Variants in SNTB1 observed in about 807,000 individuals in gnomAD.
SNTB1 encodes beta-1-syntrophin.
In SNTB1, 36 loss-of-function variants were observed where a neutral mutation model predicts 48.9. The observed-to-expected ratio is 0.74, with a 90% CI of 0.56 to 0.97. SNTB1 has a LOEUF of 0.97. Among genes scored for constraint, SNTB1 ranks in the 50% least tolerant of loss-of-function variants. SNTB1 has a pLI of 0.00. For synonymous variants in SNTB1, 299 were observed against 294.6 expected (o/e 1.01, Z -0.15); for missense variants, 786 against 703.4 (o/e 1.12, Z -1.33).
chr8:120,542,603 G>A (rs1468896125), intron 5 of SNTB1, among the ~76,000 whole-genome samples: 3 of 151,984 alleles, frequency 2.0e-5, no homozygotes, highest in African/African-American at 7.3e-5. Context: ...GCAGTGAGTC[G>A]AGATTGCTCC....
At chr8:120,792,921 T>G (rs940048450) in intron 1 of SNTB1, among the ~76,000 whole-genome samples, 6 of 152,036 alleles carry the variant, frequency 3.9e-5, no homozygotes, top group African/African-American at 1.4e-4. Flanking sequence ...ACACTATGGT[T>G]CTCCCTGACT....
intron 4 of SNTB1, among the ~76,000 whole-genome samples, chr8:120,563,439 C>A (rs1815696907): frequency 6.6e-6 from 1 of 152,042 alleles, no homozygotes; most frequent in African/African-American, 2.4e-5. Flanking sequence ...TAAACTGTAC[C>A]ACCAATGGAC....
At chr8:120,806,639 T>C (rs778047020) in intron 1 of SNTB1, among the ~76,000 whole-genome samples, 3 of 152,182 alleles carry the variant, frequency 2.0e-5, no homozygotes, top group Non-Finnish European at 1.5e-5. Flanking sequence ...TCTGAGTTTA[T>C]AGGATTTAAG....
chr8:120,626,753 G>C (rs1816892010), intron 3 of SNTB1, among the ~76,000 whole-genome samples: 1 of 152,094 alleles, frequency 6.6e-6, no homozygotes, highest in African/African-American at 2.4e-5. Flanking sequence ...TTTCACAAGT[G>C]TCACCTCCTC....
At chr8:120,609,371 T>G (rs1816581124) in intron 3 of SNTB1, among the ~76,000 whole-genome samples, 2 of 152,302 alleles carry the variant, frequency 1.3e-5, no homozygotes, top group East Asian at 3.9e-4. Flanking sequence ...TACTAGAGTT[T>G]TTCTTTCATT....
At chr8:120,677,482 C>G (rs1367689583) in intron 2 of SNTB1, among the ~76,000 whole-genome samples, 4 of 152,164 alleles carry the variant, frequency 2.6e-5, no homozygotes, top group Non-Finnish European at 4.4e-5. Context: ...TTTTCGTTTA[C>G]CCAAACGGCT....
chr8:120,550,147 T>C (rs989460988), intron 4 of SNTB1, among the ~76,000 whole-genome samples: 5 of 152,216 alleles, frequency 3.3e-5, no homozygotes, highest in African/African-American at 1.2e-4. Context: ...TGGAGGAGCT[T>C]TCTTTTACTT....
chr8:120,602,902 G>T (rs969191798), intron 3 of SNTB1, among the ~76,000 whole-genome samples: 1 of 151,626 alleles, frequency 6.6e-6, no homozygotes, highest in East Asian at 1.9e-4. Context: ...TTTAAAAAGC[G>T]TTTAAACATT....
intron 1 of SNTB1, among the ~76,000 whole-genome samples, chr8:120,774,810 C>T (rs546256721): frequency 4.6e-5 from 7 of 152,088 alleles, no homozygotes; most frequent in Admixed American, 1.3e-4. Context: ...CCCACCACCA[C>T]GCCCTGCTAA....
chr8:120,784,005 T>C (rs1270048076), intron 1 of SNTB1, among the ~76,000 whole-genome samples: 2 of 152,132 alleles, frequency 1.3e-5, no homozygotes, highest in African/African-American at 2.4e-5. Context: ...TTTGTTTTGT[T>C]TTTTTTGAGA....
intron 3 of SNTB1, among the ~76,000 whole-genome samples, chr8:120,590,788 G>A (rs1164227906): frequency 1.3e-5 from 2 of 150,048 alleles, no homozygotes; most frequent in African/African-American, 4.9e-5. Context: ...CCCGGTTCAA[G>A]CAATTCTCCT....
At chr8:120,610,538 GT>G (rs36067445) in intron 3 of SNTB1, among the ~76,000 whole-genome samples, 71,111 of 152,032 alleles carry the variant, frequency 0.47, 18,755 homozygotes, top group Non-Finnish European at 0.62. Context: ...CAGGACTAAA[GT>G]TTTTTGTTTG....
At chr8:120,809,889 G>C (rs533845767) in intron 1 of SNTB1, among the ~76,000 whole-genome samples, 1 of 152,270 alleles carries the variant, frequency 6.6e-6, no homozygotes, top group African/African-American at 2.4e-5. Context: ...TCTGCATTGT[G>C]GGCCAGGAGG....
intron 2 of SNTB1, chr8:120,636,972 G>A (rs1348824059): frequency 2.2e-5 from 7 of 321,016 alleles, no homozygotes; most frequent in Admixed American, 1.2e-4. Context: ...TACTGTTAAG[G>A]CCTGATAATC....
At chr8:120,638,397 CT>C (rs929155638) in intron 2 of SNTB1, among the ~76,000 whole-genome samples, 13 of 148,894 alleles carry the variant, frequency 8.7e-5, no homozygotes, top group East Asian at 3.9e-4. Flanking sequence ...TGAGTATTTT[CT>C]TTTTTTTTTC....
At chr8:120,628,944 A>G (rs573893184) in intron 3 of SNTB1, among the ~76,000 whole-genome samples, 1 of 152,246 alleles carries the variant, frequency 6.6e-6, no homozygotes, top group Admixed American at 6.5e-5. Context: ...GGATTGCTTG[A>G]GTCCAGGAGT....
chr8:120,674,523 G>T (rs901248309), intron 2 of SNTB1, among the ~76,000 whole-genome samples: 4 of 152,222 alleles, frequency 2.6e-5, no homozygotes, highest in African/African-American at 7.2e-5. Context: ...AGTTGGCAAA[G>T]CTCATAGCAC....
intron 2 of SNTB1, among the ~76,000 whole-genome samples, chr8:120,674,483 A>C (rs1817804020): frequency 6.6e-6 from 1 of 152,244 alleles, no homozygotes; most frequent in Admixed American, 6.5e-5. Flanking sequence ...ACATGGTAAC[A>C]GATATAAGGA....
intron 4 of SNTB1, among the ~76,000 whole-genome samples, chr8:120,556,495 T>G (rs1356977811): frequency 6.6e-6 from 1 of 152,220 alleles, no homozygotes; most frequent in Non-Finnish European, 1.5e-5. Flanking sequence ...ACTTATTCTT[T>G]ATATCATTCC....
Sources: allele counts gnomAD v4.1 joint callset (sites outside exome capture counted in the v4.1 genomes callset), GRCh38; gene constraint gnomAD v4.1.1; transcripts MANE v1.5; gene names NCBI Gene and HGNC (gene_info 2026-07-23, HGNC 2026-07-21).